Variants in CCSER1 observed in about 807,000 individuals in gnomAD.
The protein encoded by CCSER1 is serine-rich coiled-coil domain-containing protein 1.
A neutral mutation model predicts 82.0 loss-of-function variants in CCSER1; 41 were observed. The observed-to-expected ratio is 0.50, with a 90% CI of 0.39 to 0.65. The LOEUF (loss-of-function observed/expected upper bound fraction) is 0.65. Ranked by LOEUF, CCSER1 falls within the 30% of genes least tolerant of loss-of-function variation. The pLI, the probability that CCSER1 is intolerant of heterozygous loss-of-function variation, is 0.00. For synonymous variants in CCSER1, 414 were observed against 383.9 expected (o/e 1.08, Z -0.92); for missense variants, 1,119 against 1,064.2 (o/e 1.05, Z -0.72).
At chr4:91,196,301 CA>C (rs1403846027) in intron 10 of CCSER1, among the ~76,000 whole-genome samples, 1 of 151,652 alleles carries the variant, frequency 6.6e-6, no homozygotes, top group Non-Finnish European at 1.5e-5. Context: ...TTTCTAAATT[CA>C]CCAAATTTGC....
At chr4:90,568,937 T>C (rs1037621152) in intron 5 of CCSER1, among the ~76,000 whole-genome samples, 5 of 151,822 alleles carry the variant, frequency 3.3e-5, no homozygotes, top group Non-Finnish European at 7.4e-5. Flanking sequence ...TCGGCTAATT[T>C]TTATATTTGT....
chr4:91,160,067 C>A (rs1465920109), intron 10 of CCSER1, among the ~76,000 whole-genome samples: 1 of 148,348 alleles, frequency 6.7e-6, no homozygotes, highest in East Asian at 1.9e-4. Context: ...CCATGACAGG[C>A]CCCCATGTGT....
At chr4:90,675,113 G>C (rs1849810) in intron 6 of CCSER1, among the ~76,000 whole-genome samples, 69,671 of 151,536 alleles carry the variant, frequency 0.46, 16,393 homozygotes, top group Middle Eastern at 0.59. Context: ...TTTCATTTTC[G>C]TCATTGATGA....
chr4:90,135,621 A>G (rs539402446), intron 1 of CCSER1, among the ~76,000 whole-genome samples: 1 of 152,334 alleles, frequency 6.6e-6, no homozygotes, highest in South Asian at 2.1e-4. Context: ...CTAAGTATTT[A>G]CAGCTGTGCC....
intron 9 of CCSER1, among the ~76,000 whole-genome samples, chr4:91,004,647 A>G (rs571288412): frequency 6.6e-6 from 1 of 152,336 alleles, no homozygotes; most frequent in East Asian, 1.9e-4. Context: ...TGCAAGGCCC[A>G]CAGGTATCAG....
intron 9 of CCSER1, among the ~76,000 whole-genome samples, chr4:91,074,866 C>T (rs1024326438): frequency 4.6e-5 from 7 of 152,110 alleles, no homozygotes; most frequent in Admixed American, 1.3e-4. Flanking sequence ...ACTGTCACAA[C>T]GAAATCTCTG....
At chr4:90,856,112 G>A (rs1048427375) in intron 8 of CCSER1, among the ~76,000 whole-genome samples, 1 of 151,970 alleles carries the variant, frequency 6.6e-6, no homozygotes, top group Admixed American at 6.6e-5. Context: ...ACTCAATTTG[G>A]TTATTCCCCC....
chr4:90,469,841 T>A (rs1172687234), intron 5 of CCSER1, among the ~76,000 whole-genome samples: 1 of 152,150 alleles, frequency 6.6e-6, no homozygotes, highest in Non-Finnish European at 1.5e-5. Context: ...TGTCCCTTAT[T>A]CAAAATGCTT....
chr4:91,501,647 T>C (rs1184802628), intron 10 of CCSER1, among the ~76,000 whole-genome samples: 3 of 152,078 alleles, frequency 2.0e-5, no homozygotes, highest in African/African-American at 7.2e-5. Flanking sequence ...CTATTCTCCT[T>C]TTTTCTGTAC....
chr4:91,219,192 C>A (rs533111353), intron 10 of CCSER1, among the ~76,000 whole-genome samples: 1 of 151,588 alleles, frequency 6.6e-6, no homozygotes, highest in African/African-American at 2.4e-5. Flanking sequence ...TCTCAAAATT[C>A]ATTTTCAAAT....
At chr4:90,185,410 A>G (rs945540989) in intron 1 of CCSER1, among the ~76,000 whole-genome samples, 22 of 152,086 alleles carry the variant, frequency 1.4e-4, no homozygotes, top group Non-Finnish European at 2.9e-5. Flanking sequence ...ACATGATTAA[A>G]TGAATAATTT....
At chr4:91,435,518 T>C (rs1303592540) in intron 10 of CCSER1, among the ~76,000 whole-genome samples, 1 of 152,180 alleles carries the variant, frequency 6.6e-6, no homozygotes, top group Admixed American at 6.6e-5. Context: ...ATAAATTGCT[T>C]TCTCTTACTT....
intron 1 of CCSER1, among the ~76,000 whole-genome samples, chr4:90,167,213 A>T (rs1322047957): frequency 2.0e-5 from 3 of 152,120 alleles, no homozygotes; most frequent in Non-Finnish European, 2.9e-5. Flanking sequence ...AGCAATTTAA[A>T]AATATCTGTG....
intron 10 of CCSER1, among the ~76,000 whole-genome samples, chr4:91,161,807 G>A (rs1409431937): frequency 2.0e-5 from 3 of 152,184 alleles, no homozygotes; most frequent in African/African-American, 7.2e-5. Context: ...GCAACATGAA[G>A]TTGCTTATCA....
At chr4:90,189,577 T>TTTGCTATTTTAAAAAATGTCATTTATA (rs1735244819) in intron 1 of CCSER1, among the ~76,000 whole-genome samples, 1 of 151,902 alleles carries the variant, frequency 6.6e-6, no homozygotes, top group African/African-American at 2.4e-5. Context: ...TATACATATA[T>TTTGCTATTTTAAAAAATGTCATTTATA]ATACCATAGA....
At chr4:90,143,083 C>A (rs1725109140) in intron 1 of CCSER1, among the ~76,000 whole-genome samples, 1 of 152,040 alleles carries the variant, frequency 6.6e-6, no homozygotes, top group Non-Finnish European at 1.5e-5. Flanking sequence ...GTACATTGGG[C>A]TTTCTAAGCA....
At chr4:90,481,543 C>T (rs1765964902) in intron 5 of CCSER1, among the ~76,000 whole-genome samples, 1 of 152,154 alleles carries the variant, frequency 6.6e-6, no homozygotes, top group Admixed American at 6.5e-5. Flanking sequence ...AGATATGTCC[C>T]ATCAATACTT....
At chr4:91,139,384 T>G (rs1728807776) in intron 10 of CCSER1, among the ~76,000 whole-genome samples, 1 of 152,136 alleles carries the variant, frequency 6.6e-6, no homozygotes, top group African/African-American at 2.4e-5. Context: ...ACATCCTTCT[T>G]CAGAACAACA....
intron 4 of CCSER1, among the ~76,000 whole-genome samples, chr4:90,410,482 C>T (rs899087839): frequency 6.6e-6 from 1 of 152,164 alleles, no homozygotes; most frequent in Admixed American, 6.5e-5. Flanking sequence ...GAAACTCACT[C>T]AAAACCGCTC....
Sources: allele counts gnomAD v4.1 joint callset (sites outside exome capture counted in the v4.1 genomes callset), GRCh38; gene constraint gnomAD v4.1.1; transcripts MANE v1.5; gene names NCBI Gene and HGNC (gene_info 2026-07-23, HGNC 2026-07-21).